The following LHFPL2 variants were observed in gnomAD, a reference collection of about 807,000 sequenced individuals.
The protein encoded by LHFPL2 is LHFPL tetraspan subfamily member 2.
LHFPL2 carries 7 observed loss-of-function variants against 17.5 expected under a neutral mutation model. The observed-to-expected ratio is 0.40, with a 90% CI of 0.23 to 0.75. The LOEUF is 0.75. Ranked by LOEUF, LHFPL2 falls within the 30% of genes least tolerant of loss-of-function variation. The pLI, the probability that LHFPL2 is intolerant of heterozygous loss-of-function variation, is 0.37. For missense variants in LHFPL2, 241 were observed against 294.8 expected (o/e 0.82, Z 1.34); for synonymous variants, 134 against 116.2 (o/e 1.15, Z -0.99).
chr5:78,500,472 C>T (rs1261309368), intron 4 of LHFPL2, among the ~76,000 whole-genome samples: 1 of 152,148 alleles, frequency 6.6e-6, no homozygotes, highest in Non-Finnish European at 1.5e-5. Flanking sequence ...TTGCTTAGAA[C>T]AACTGTAAAC....
Position 78,488,145 on chromosome 5 carries a change from C to T in LHFPL2, c.*752G>A, listed in dbSNP as rs1754313601. ...AGAAGAAGAGGAGACTGGGCCAGAA[C>T]TGGTGCTAGCCTGGCTGCTGGGAAG... On this transcript the variant is annotated 3_prime_UTR_variant, in exon 5 of 5. Transcript: ENST00000380345. 6.6e-6 allele frequency: 1 copy of T among 152,296 alleles called. No individual in the cohort carries two copies. Among genetic ancestry groups the T allele is most frequent in the South Asian group, 2.1e-4 (1 of 4,836 alleles). The allele number at this position is 152,296 out of a possible 1,614,324, so 9.4% of individuals were successfully genotyped here. A position where few individuals can be genotyped will look rare whatever the true frequency, so the allele number is the denominator to read the frequency against.
intron 3 of LHFPL2, among the ~76,000 whole-genome samples, chr5:78,559,706 G>T (rs2112407766): frequency 6.6e-6 from 1 of 152,238 alleles, no homozygotes; most frequent in Middle Eastern, 3.4e-3. Flanking sequence ...TCGAGTAAAG[G>T]GAGAAGGTTG....
intron 1 of LHFPL2, among the ~76,000 whole-genome samples, chr5:78,635,756 T>A (rs1745423534): frequency 6.6e-6 from 1 of 152,150 alleles, no homozygotes; most frequent in South Asian, 2.1e-4. Flanking sequence ...TGAGCCGAGA[T>A]CGCGCCACTG....
intron 1 of LHFPL2, among the ~76,000 whole-genome samples, chr5:78,647,227 GTGT>G (rs1443481644): frequency 6.6e-6 from 1 of 152,138 alleles, no homozygotes; most frequent in African/African-American, 2.4e-5. Context: ...CCGCGAACAT[GTGT>G]TCTCTATCTC....
chr5:78,643,355 T>C (rs1486068222), intron 1 of LHFPL2, among the ~76,000 whole-genome samples: 1 of 152,238 alleles, frequency 6.6e-6, no homozygotes, highest in African/African-American at 2.4e-5. Flanking sequence ...ACATCTTCTA[T>C]ACCAAAAGAG....
intron 3 of LHFPL2, among the ~76,000 whole-genome samples, chr5:78,516,122 T>C (rs540262761): frequency 1.4e-4 from 22 of 152,066 alleles, no homozygotes; most frequent in Non-Finnish European, 3.1e-4. Context: ...TAAAAAAAAA[T>C]GTACCAAAGG....
chr5:78,535,245 C>G (rs554868693), intron 3 of LHFPL2, among the ~76,000 whole-genome samples: 1 of 152,144 alleles, frequency 6.6e-6, no homozygotes, highest in Non-Finnish European at 1.5e-5. Flanking sequence ...ACTGGCACTA[C>G]GCTGAGCGCC....
chr5:78,645,074 C>T (rs1306405266), intron 1 of LHFPL2, among the ~76,000 whole-genome samples: 1 of 152,186 alleles, frequency 6.6e-6, no homozygotes, highest in African/African-American at 2.4e-5. Context: ...GGAAGACCCA[C>T]AGGACTAGCC....
rs185047413 is a variant in LHFPL2 at position 78,591,637 on chromosome 5, G to A, written c.-244-26766C>T. On this transcript the variant is annotated intron_variant, in intron 2 of 4. Coordinates refer to ENST00000380345, the MANE Select transcript of LHFPL2 (RefSeq NM_005779.3). ...GTCCTGTAATCCTTGACATTGTCGC[G>A]TCTACCCTCCTGCCTTTATGGAACA... Among the ~76,000 whole-genome samples, 493 of 152,236 alleles carry A rather than the reference G, an allele frequency of 3.2e-3. 3 individuals are homozygous for A. The highest frequency in any genetic ancestry group is 3.4e-3 in the Non-Finnish European group (230 of 68,014).
chr5:78,516,787 G>A (rs186977349), intron 3 of LHFPL2, among the ~76,000 whole-genome samples: 1 of 152,276 alleles, frequency 6.6e-6, no homozygotes, highest in East Asian at 1.9e-4. Flanking sequence ...CCGAAGCCAG[G>A]GCAGACTGAC....
chr5:78,562,133 C>T (rs575196275), intron 3 of LHFPL2, among the ~76,000 whole-genome samples: 2 of 152,318 alleles, frequency 1.3e-5, no homozygotes, highest in South Asian at 4.1e-4. Context: ...CAGAGGAACA[C>T]CTGCTGTTTA....
At chr5:78,618,145 G>A (rs1354215297) in intron 2 of LHFPL2, among the ~76,000 whole-genome samples, 1 of 151,974 alleles carries the variant, frequency 6.6e-6, no homozygotes, top group Non-Finnish European at 1.5e-5. Context: ...AGGTTGCAGT[G>A]AGCCAAGATC....
chr5:78,648,059 G>A lies in LHFPL2; in HGVS notation c.-350+440C>T, dbSNP rs1401466183. On this transcript the variant is annotated intron_variant, in intron 1 of 4. Coordinates refer to ENST00000380345, the MANE Select transcript of LHFPL2 (RefSeq NM_005779.3). This position sits in a 1 kb window ranked among gnomAD's most constrained non-coding sequence, Gnocchi z 5.4. ...GAGTGACCCACACGCCACGGACCAGGGACAGCAGGGGCGACCACGGGGCGG... is the reference window on the plus strand; with the variant it reads ...GAGTGACCCACACGCCACGGACCAGAGACAGCAGGGGCGACCACGGGGCGG... Among the ~76,000 whole-genome samples, 2 of 152,122 alleles carry A rather than the reference G, an allele frequency of 1.3e-5. No homozygotes were observed. The highest frequency in any genetic ancestry group is 1.3e-4 in the Admixed American group (2 of 15,286).
In LHFPL2 at chr5:78,539,563, G is replaced by T. The variant is rs117918050; in HGVS notation, c.-186+25250C>A. Among the ~76,000 whole-genome samples the T allele has an allele frequency of 3.8e-4, 58 of 152,262 alleles. 1 individual carries two copies. The East Asian group carries it at 0.01, about 27-fold the overall frequency. On this transcript the variant is annotated intron_variant, in intron 3 of 4. Transcript: ENST00000380345. ...TATTATTACACATGGTGCTCAACAG[G>T]TGTTTGTTAACTGACTTTTCCATCA... is the stretch of plus-strand genomic sequence containing the variant.
intron 2 of LHFPL2, among the ~76,000 whole-genome samples, chr5:78,602,800 G>A (rs534426037): frequency 1.3e-5 from 2 of 152,180 alleles, no homozygotes; most frequent in South Asian, 4.1e-4. Context: ...TGAGCCTTAT[G>A]AGCCGGGCCC....
At position 78,625,395 on chromosome 5, in the gene LHFPL2, G is replaced by A. The variant is rs564222948; in HGVS notation, c.-245+6869C>T. 2.0e-5 allele frequency: 3 copies of A among 152,286 alleles called. No homozygotes were observed. The East Asian group carries it at 5.8e-4, about 29-fold the overall frequency. The allele number at this position is 152,286 out of a possible 1,614,324, so 9.4% of individuals were successfully genotyped here. Reference sequence around the variant, plus strand: ...CAGTCATCTTGATTCTTCTGGGGAAGCTGAGCTATTGGGGCCATCGTCCAA... The same window carrying A: ...CAGTCATCTTGATTCTTCTGGGGAAACTGAGCTATTGGGGCCATCGTCCAA... On this transcript the variant is annotated intron_variant, in intron 2 of 4. Coordinates refer to ENST00000380345, the MANE Select transcript of LHFPL2 (RefSeq NM_005779.3).
intron 2 of LHFPL2, among the ~76,000 whole-genome samples, chr5:78,581,449 A>C (rs1743134726): frequency 1.3e-5 from 2 of 152,240 alleles, no homozygotes; most frequent in Non-Finnish European, 1.5e-5. Flanking sequence ...AGCTCTTATT[A>C]TTTTGAGATA....
At chr5:78,639,198 G>A (rs1745574157) in intron 1 of LHFPL2, among the ~76,000 whole-genome samples, 1 of 152,110 alleles carries the variant, frequency 6.6e-6, no homozygotes, top group Admixed American at 6.5e-5. Context: ...ATTATTCAGT[G>A]TGGCCTCTTC....
At chr5:78,537,425 C>T (rs778547172) in intron 3 of LHFPL2, among the ~76,000 whole-genome samples, 2 of 152,154 alleles carry the variant, frequency 1.3e-5, no homozygotes, top group Non-Finnish European at 1.5e-5. Flanking sequence ...AATTGCCAGC[C>T]CATCCTGGCT....
Sources: allele counts gnomAD v4.1 joint callset (sites outside exome capture counted in the v4.1 genomes callset), GRCh38; gene constraint gnomAD v4.1.1; non-coding constraint Gnocchi (gnomAD v3.1); transcripts MANE v1.5; gene names NCBI Gene and HGNC (gene_info 2026-07-23, HGNC 2026-07-21).